The following KCND3 variants were observed in gnomAD, a reference collection of about 807,000 sequenced individuals.
The protein encoded by KCND3 is potassium voltage-gated channel subfamily D member 3, also known as A-type voltage-gated potassium channel KCND3.
Under a neutral mutation model 51.1 loss-of-function variants are expected in KCND3, and 9 were observed. The ratio of observed to expected loss-of-function variants is 0.18; its 90% CI spans 0.11 to 0.31. The LOEUF (loss-of-function observed/expected upper bound fraction) is 0.31, where lower values mean the gene tolerates loss of function less well. Among genes scored for constraint, KCND3 ranks in the 10% least tolerant of loss-of-function variants. The pLI, the probability that KCND3 is intolerant of heterozygous loss-of-function variation, is 1.00. For missense variants in KCND3, 526 were observed against 903.8 expected, an observed-to-expected ratio of 0.58 and a Z score of 5.36; for synonymous variants, 349 against 368.0, an observed-to-expected ratio of 0.95 and a Z score of 0.59.
chr1:111,810,769 C>T lies in KCND3; in HGVS notation c.1107-23663G>A, dbSNP rs1330391255. On this transcript the variant is annotated intron_variant, in intron 2 of 7. Transcript: ENST00000302127. ...GGCAAAGGAACACTCCACTAAGTAG[C>T]ATAAAATAAGTGCAAAACTTGGCTA... 1.3e-5 allele frequency among the ~76,000 whole-genome samples: 2 copies of T among 152,204 alleles called. 1 individual carries two copies. Among genetic ancestry groups the T allele is most frequent in the East Asian group, 3.8e-4 (2 of 5,202 alleles).
intron 2 of KCND3, among the ~76,000 whole-genome samples, chr1:111,967,140 C>CA (rs557157736): frequency 0.031 from 2,106 of 66,946 alleles, 34 homozygotes; most frequent in African/African-American, 0.085. Flanking sequence ...GATTCCGTCT[C>CA]AAAAAAAAAA....
rs566382972 is a variant in KCND3 at position 111,917,033 on chromosome 1, A to T, written c.1106+64588T>A. The stretch of plus-strand genomic sequence containing the variant: ...AGTGTAATTGATCATACAATAGACT[A>T]AAAAAGAACGCCCATATGATCATCT... On this transcript the variant is annotated intron_variant, in intron 2 of 7. Transcript: ENST00000302127. 7.2e-5 allele frequency among the ~76,000 whole-genome samples: 11 copies of T among 152,360 alleles called. No individual in the cohort carries two copies. The East Asian group carries it at 1.5e-3, about 21-fold the overall frequency.
intron 2 of KCND3, among the ~76,000 whole-genome samples, chr1:111,898,983 C>A (rs539086008): frequency 2.6e-5 from 4 of 152,300 alleles, no homozygotes; most frequent in African/African-American, 9.6e-5. Flanking sequence ...GGCTGTCCCA[C>A]TAGTGCCAGG....
At chr1:111,956,837 C>G (rs1433379338) in intron 2 of KCND3, among the ~76,000 whole-genome samples, 1 of 152,206 alleles carries the variant, frequency 6.6e-6, no homozygotes, top group Non-Finnish European at 1.5e-5. Context: ...CCCTACAGCA[C>G]CTGGACACCT....
At chr1:111,790,962 T>C (rs939242871) in intron 2 of KCND3, among the ~76,000 whole-genome samples, 1 of 152,252 alleles carries the variant, frequency 6.6e-6, no homozygotes, top group Admixed American at 6.5e-5. Context: ...TTTTGTTAAT[T>C]CACTCATCAG....
intron 2 of KCND3, among the ~76,000 whole-genome samples, chr1:111,908,029 A>G (rs114511099): frequency 3.9e-5 from 6 of 152,160 alleles, no homozygotes; most frequent in African/African-American, 1.4e-4. Flanking sequence ...ACTATTCCCC[A>G]CTGCAGAGGA....
At chr1:111,808,786 A>G (rs2101567898) in intron 2 of KCND3, among the ~76,000 whole-genome samples, 1 of 152,330 alleles carries the variant, frequency 6.6e-6, no homozygotes, top group East Asian at 1.9e-4. Flanking sequence ...CCAAGAGGAG[A>G]CTGCCAACTC....
In KCND3 at chr1:111,780,625, G is replaced by A. The variant is rs745512930; in HGVS notation, c.1371+65C>T. ...GCTCTGGTGAGAGTGCTGGTGTCCC[G>A]GGAAAGAGAAAACAAGCCCATCTAC... On this transcript the variant is annotated intron_variant, in intron 4 of 7. Coordinates refer to ENST00000302127, the MANE Select transcript of KCND3 (RefSeq NM_001378969.1). This position sits in a 1 kb window ranked among gnomAD's most constrained non-coding sequence, Gnocchi z 4.2. The A allele has an allele frequency of 7.0e-5, 96 of 1,367,738 alleles. No individual in the cohort carries two copies. The highest frequency in any genetic ancestry group is 1.1e-4 in the African/African-American group (8 of 69,648). 84.7% of individuals were successfully genotyped at this position (1,367,738 alleles called of 1,614,324 possible).
intron 2 of KCND3, among the ~76,000 whole-genome samples, chr1:111,788,827 G>A (rs545470253): frequency 1.4e-4 from 22 of 152,262 alleles, no homozygotes; most frequent in Non-Finnish European, 2.5e-4. Flanking sequence ...CCTTAGTTTC[G>A]TTGTCTGTAA....
intron 2 of KCND3, among the ~76,000 whole-genome samples, chr1:111,886,827 G>A (rs1367587166): frequency 6.6e-6 from 1 of 152,334 alleles, no homozygotes; most frequent in South Asian, 2.1e-4. Flanking sequence ...GGATTTGTGT[G>A]ACCCCAACAC....
At chr1:111,958,731 G>A (rs1314036397) in intron 2 of KCND3, among the ~76,000 whole-genome samples, 1 of 152,098 alleles carries the variant, frequency 6.6e-6, no homozygotes, top group Admixed American at 6.6e-5. Flanking sequence ...ATCTGTCCTG[G>A]CAGACAACAC....
At position 111,932,843 on chromosome 1, in the gene KCND3, C is replaced by T. The variant is rs187508560; in HGVS notation, c.1106+48778G>A. Among the ~76,000 whole-genome samples, 21 of 152,302 alleles carry T rather than the reference C, an allele frequency of 1.4e-4. No homozygotes were observed. In the East Asian group the frequency reaches 3.7e-3, roughly 27 times the overall value. ...AGATTTAAAAAGAACAGAGTGTGATCTGATATGGTGGTATGCATTGCTCTG... is the reference window on the plus strand; with the variant it reads ...AGATTTAAAAAGAACAGAGTGTGATTTGATATGGTGGTATGCATTGCTCTG... On this transcript the variant is annotated intron_variant, in intron 2 of 7. Coordinates refer to ENST00000302127, the MANE Select transcript of KCND3 (RefSeq NM_001378969.1).
chr1:111,919,086 C>A (rs530247344), intron 2 of KCND3, among the ~76,000 whole-genome samples: 5 of 151,650 alleles, frequency 3.3e-5, no homozygotes, highest in African/African-American at 1.2e-4. Context: ...TGCCTTCATT[C>A]ATTAATTCAT....
chr1:111,839,065 C>G (rs1667206985), intron 2 of KCND3, among the ~76,000 whole-genome samples: 1 of 152,210 alleles, frequency 6.6e-6, no homozygotes, highest in Admixed American at 6.5e-5. Flanking sequence ...CACAAACAAT[C>G]TATTTACTGC....
chr1:111,894,549 C>A (rs1200083819), intron 2 of KCND3, among the ~76,000 whole-genome samples: 3 of 152,178 alleles, frequency 2.0e-5, no homozygotes, highest in Admixed American at 1.3e-4. Context: ...TGGCTCTACC[C>A]CAGATCCTAG....
intron 2 of KCND3, among the ~76,000 whole-genome samples, chr1:111,792,539 C>T (rs1664882071): frequency 6.6e-6 from 1 of 152,180 alleles, no homozygotes; most frequent in Non-Finnish European, 1.5e-5. Flanking sequence ...CGCTCAGTAG[C>T]AGCAGCACAG....
At position 111,880,535 on chromosome 1, in the gene KCND3, C is replaced by T. The variant is rs186530572; in HGVS notation, c.1107-93429G>A. On this transcript the variant is annotated intron_variant, in intron 2 of 7. Transcript: ENST00000302127. ...TCCAGGACATGGACTGGGAGAGAGGCACTCCAAATGGCAACAAATAAAGTT... is the reference window on the plus strand; with the variant it reads ...TCCAGGACATGGACTGGGAGAGAGGTACTCCAAATGGCAACAAATAAAGTT... Among the ~76,000 whole-genome samples the T allele has an allele frequency of 4.5e-4, 69 of 152,298 alleles. No individual in the cohort carries two copies. The East Asian group carries it at 0.013, about 28-fold the overall frequency.
intron 2 of KCND3, among the ~76,000 whole-genome samples, chr1:111,898,033 C>A (rs1372829449): frequency 6.6e-6 from 1 of 152,142 alleles, no homozygotes; most frequent in Non-Finnish European, 1.5e-5. Context: ...GAGCACCCCA[C>A]AAAACTGGAC....
chr1:111,972,926 A>C (rs183304639), intron 2 of KCND3, among the ~76,000 whole-genome samples: 26 of 152,344 alleles, frequency 1.7e-4, no homozygotes, highest in Admixed American at 1.4e-3. Flanking sequence ...TTTTCTGCTT[A>C]AGTATGCGTG....
Sources: allele counts gnomAD v4.1 joint callset (sites outside exome capture counted in the v4.1 genomes callset), GRCh38; gene constraint gnomAD v4.1.1; non-coding constraint Gnocchi (gnomAD v3.1); transcripts MANE v1.5; gene names NCBI Gene and HGNC (gene_info 2026-07-23, HGNC 2026-07-21).